Variants in BAD observed in about 807,000 individuals in gnomAD.
BAD encodes the protein BCL2 associated agonist of cell death.
Under a neutral mutation model 17.8 loss-of-function variants are expected in BAD, and 18 were observed. The ratio of observed to expected loss-of-function variants is 1.01; its 90% CI spans 0.70 to 1.50. BAD has a LOEUF of 1.50. Ranked by LOEUF, BAD falls within the 40% of genes most tolerant of loss-of-function variation. The pLI, the probability that BAD is intolerant of heterozygous loss-of-function variation, is 0.00. For missense variants in BAD, 294 were observed against 239.3 expected (o/e 1.23, Z -1.51); for synonymous variants, 112 against 91.5 (o/e 1.22, Z -1.28).
At chr11:64,283,927 G>A (rs1180665829) in intron 2 of BAD, among the ~76,000 whole-genome samples, 1 of 152,184 alleles carries the variant, frequency 6.6e-6, no homozygotes, top group African/African-American at 2.4e-5. Flanking sequence ...GAGCCACCAC[G>A]CCCGGCAGCA....
chr11:64,270,802 C>T (rs977582922), intron 3 of BAD: 13 of 396,612 alleles, frequency 3.3e-5, no homozygotes, highest in Non-Finnish European at 6.5e-5. Flanking sequence ...CAGCAAGGAG[C>T]ACAAATACCA....
intron 2 of BAD, among the ~76,000 whole-genome samples, chr11:64,278,870 C>T (rs951887758): frequency 5.9e-5 from 9 of 152,198 alleles, no homozygotes; most frequent in South Asian, 4.1e-4. Flanking sequence ...GCAGAGGCCC[C>T]GTGGCTCTGG....
At chr11:64,278,379 T>A (rs1228649795) in intron 2 of BAD, among the ~76,000 whole-genome samples, 1 of 147,892 alleles carries the variant, frequency 6.8e-6, no homozygotes, top group Admixed American at 6.8e-5. Context: ...AAAAATTATA[T>A]ATATATATTT....
chr11:64,270,508 GC>G, intron 3 of BAD, 171 bp from the exon 4 acceptor site: 1 of 875,934 alleles, frequency 1.1e-6, no homozygotes, highest in Non-Finnish European at 1.8e-6. Context: ...GGACGCATGG[GC>G]CCCCAGGAAT....
chr11:64,275,470 TC>T (rs1438320819), intron 2 of BAD, among the ~76,000 whole-genome samples: 1 of 151,942 alleles, frequency 6.6e-6, no homozygotes, highest in Non-Finnish European at 1.5e-5. Flanking sequence ...TGGGGGCAGT[TC>T]CCCATCTGCC....
rs561233290 is a variant in BAD at position 64,284,310 on chromosome 11, C to T, written c.59G>A (p.Arg20Lys). The T allele has an allele frequency of 1.2e-6, 2 of 1,612,538 alleles. No homozygotes were observed. Among genetic ancestry groups the T allele is most frequent in the South Asian group, 1.1e-5 (1 of 91,086 alleles). Reference sequence around the variant, plus strand: ...CCCTGCGGGGCTGGGGCCCAGGCCCCTCTCTGCAGAGCTGGAGTCTTCCTG... The same window carrying T: ...CCCTGCGGGGCTGGGGCCCAGGCCCTTCTCTGCAGAGCTGGAGTCTTCCTG... ...SEQEDSSSAE[R>K]GLGPSPAGDG... The change falls in exon 2 of 4, where the codon AGG (arginine) becomes AAG (lysine). Residue 20 changes from arginine to lysine, a missense_variant. Arg to Lys is a conservative substitution (Grantham distance 26, BLOSUM62 2). Coordinates refer to ENST00000309032, the MANE Select transcript of BAD (RefSeq NM_032989.3).
chr11:64,279,520 AT>A (rs2033288678), intron 2 of BAD, among the ~76,000 whole-genome samples: 1 of 152,112 alleles, frequency 6.6e-6, no homozygotes, highest in Admixed American at 6.6e-5. Flanking sequence ...TAATCCCAGC[AT>A]TTTGGGAGGC....
intron 2 of BAD, among the ~76,000 whole-genome samples, chr11:64,280,512 C>A (rs1272298852): frequency 2.7e-5 from 4 of 148,232 alleles, no homozygotes; most frequent in Non-Finnish European, 6.0e-5. Flanking sequence ...CCACCACGCC[C>A]GGCTAATTTT....
intron 2 of BAD, among the ~76,000 whole-genome samples, chr11:64,282,062 C>T (rs971181091): frequency 2.6e-5 from 4 of 152,136 alleles, no homozygotes; most frequent in Admixed American, 6.5e-5. Context: ...AATCTTCTCA[C>T]GCATGATAGG....
In BAD at chr11:64,271,687, G is replaced by C; in HGVS notation, c.304C>G (p.Pro102Ala). 6.8e-7 allele frequency: 1 copy of C among 1,476,330 alleles called. No homozygotes were observed. The highest frequency in any genetic ancestry group is 9.0e-7 in the Non-Finnish European group (1 of 1,115,070). The allele number at this position is 1,476,330 out of a possible 1,614,324, so 91.5% of individuals were successfully genotyped here. ...PFRGRSRSAPPNLWAAQRYGR... is the reference protein window; with the variant it reads ...PFRGRSRSAPANLWAAQRYGR... ...TAGCGCTGTGCTGCCCAGAGGTTGG[G>C]GGGCGCCGAGCGCGAGCGGCCCCGA... The change falls in exon 3 of 4, where the codon CCC (proline) becomes GCC (alanine). Residue 102 changes from proline to alanine, a missense_variant. Transcript: ENST00000309032.
intron 3 of BAD, 156 bp from the exon 4 acceptor site, chr11:64,270,493 C>G (rs183531001): frequency 2.9e-6 from 3 of 1,018,328 alleles, no homozygotes; most frequent in Non-Finnish European, 4.3e-6. Flanking sequence ...CAGGGACGCT[C>G]GCGAGGACGC....
intron 2 of BAD, among the ~76,000 whole-genome samples, chr11:64,274,356 C>T (rs1427863594): frequency 6.6e-6 from 1 of 150,782 alleles, no homozygotes; most frequent in Non-Finnish European, 1.5e-5. Flanking sequence ...CACTGCACTC[C>T]AGCCTGGGTG....
intron 3 of BAD, 132 bp downstream of exon 3, chr11:64,271,481 G>A: frequency 1.1e-6 from 1 of 948,568 alleles, no homozygotes; most frequent in Non-Finnish European, 1.4e-6. Context: ...CTGGAGCTAG[G>A]AAGGAACAGG....
At chr11:64,272,265 G>A (rs2032688534) in intron 2 of BAD, among the ~76,000 whole-genome samples, 1 of 151,814 alleles carries the variant, frequency 6.6e-6, no homozygotes, top group African/African-American at 2.4e-5. Flanking sequence ...GTCGCAGTGA[G>A]CCGAGATCAC....
intron 2 of BAD, among the ~76,000 whole-genome samples, chr11:64,277,229 A>G (rs915699077): frequency 7.9e-5 from 12 of 151,956 alleles, no homozygotes; most frequent in Admixed American, 2.0e-4. Context: ...CTGCCGGGGG[A>G]GGCTGACGTC....
chr11:64,284,677 C>A (rs1195667355), upstream of BAD: 2 of 1,535,516 alleles, frequency 1.3e-6, no homozygotes, highest in East Asian at 4.9e-5. Flanking sequence ...CCGCCTCCCT[C>A]CAGCACCCCG....
intron 2 of BAD, among the ~76,000 whole-genome samples, chr11:64,279,576 C>A (rs935196769): frequency 4.6e-5 from 7 of 151,616 alleles, no homozygotes; most frequent in African/African-American, 1.7e-4. Flanking sequence ...ACCAGCCTGG[C>A]CAACATGGTG....
chr11:64,270,133 A>T lies in BAD; in HGVS notation c.*76T>A. On this transcript the variant is annotated 3_prime_UTR_variant, in exon 4 of 4. Transcript: ENST00000309032. ...TCCTCTTTTTGCATAGGCCTGAGGG[A>T]AGTACTTCCGCCCATATTCAAGATG... The T allele has an allele frequency of 1.2e-6, 2 of 1,606,716 alleles. No homozygotes were observed. Among genetic ancestry groups the T allele is most frequent in the Non-Finnish European group, 1.7e-6 (2 of 1,174,828 alleles).
At chr11:64,282,135 C>T (rs2033519470) in intron 2 of BAD, among the ~76,000 whole-genome samples, 1 of 152,208 alleles carries the variant, frequency 6.6e-6, no homozygotes. Flanking sequence ...TCCACAAGGG[C>T]AAGGATTCCT....
Sources: gnomAD v4.1 joint callset for allele counts (sites outside exome capture counted in the v4.1 genomes callset) on GRCh38, gnomAD v4.1.1 for gene constraint, MANE v1.5 for transcripts, NCBI Gene and HGNC (gene_info 2026-07-23, HGNC 2026-07-21) for gene names.